Variants in HDAC4 observed in about 807,000 individuals in gnomAD.
HDAC4 encodes histone deacetylase 4, also known as histone deacetylase A.
HDAC4 carries 16 observed loss-of-function variants against 135.1 expected under a neutral mutation model. The observed-to-expected ratio is 0.12, with a 90% confidence interval of 0.08 to 0.18. HDAC4 has a LOEUF of 0.18. Among genes scored for constraint, HDAC4 ranks in the 10% least tolerant of loss-of-function variants. HDAC4 has a pLI of 1.00. For missense variants in HDAC4, 1,143 were observed against 1,511.8 expected, an observed-to-expected ratio of 0.76 and a Z score of 4.05; for synonymous variants, 685 against 653.4, an observed-to-expected ratio of 1.05 and a Z score of -0.74.
chr2:239,350,398 G>A (rs1341682293), intron 2 of HDAC4, among the ~76,000 whole-genome samples: 1 of 151,896 alleles, frequency 6.6e-6, no homozygotes, highest in East Asian at 1.9e-4. Flanking sequence ...AAAAAAATAA[G>A]TAAAGCTATA....
chr2:239,215,338 C>T (rs2046573947), intron 3 of HDAC4, among the ~76,000 whole-genome samples: 2 of 152,196 alleles, frequency 1.3e-5, no homozygotes, highest in African/African-American at 2.4e-5. Context: ...GGCATGGAAG[C>T]TGGCAACAGG....
intron 4 of HDAC4, among the ~76,000 whole-genome samples, chr2:239,183,115 C>T (rs1466695034): frequency 6.6e-6 from 1 of 152,180 alleles, no homozygotes; most frequent in Non-Finnish European, 1.5e-5. Context: ...ATGACTACGA[C>T]CTCATTCTTC....
chr2:239,381,737 G>A (rs1695431740), intron 1 of HDAC4, among the ~76,000 whole-genome samples: 1 of 152,222 alleles, frequency 6.6e-6, no homozygotes, highest in Non-Finnish European at 1.5e-5. Context: ...ATGTGCTGTA[G>A]AATGTTCAGT....
At chr2:239,123,093 G>C (rs1487535941) in intron 12 of HDAC4, among the ~76,000 whole-genome samples, 1 of 152,254 alleles carries the variant, frequency 6.6e-6, no homozygotes, top group Non-Finnish European at 1.5e-5. Context: ...ACTCCAGTGA[G>C]AGTACCCGGT....
intron 24 of HDAC4, among the ~76,000 whole-genome samples, chr2:239,063,648 C>T (rs1426802784): frequency 1.3e-5 from 2 of 152,214 alleles, no homozygotes; most frequent in Non-Finnish European, 2.9e-5. Context: ...TCTCCCCTTT[C>T]CCCTTCTGCC....
chr2:239,321,541 C>T (rs1575691350), intron 2 of HDAC4, among the ~76,000 whole-genome samples: 5 of 146,324 alleles, frequency 3.4e-5, no homozygotes, highest in Middle Eastern at 4.0e-3. Context: ...ATAAGGTGAA[C>T]GTGTGTAAAT....
chr2:239,336,026 C>A (rs375295929), intron 2 of HDAC4, among the ~76,000 whole-genome samples: 99 of 152,292 alleles, frequency 6.5e-4, no homozygotes, highest in African/African-American at 2.3e-3. Flanking sequence ...TATGTTCATA[C>A]AATGAAATAT....
chr2:239,358,551 C>T (rs1425145115), intron 1 of HDAC4, among the ~76,000 whole-genome samples: 2 of 152,216 alleles, frequency 1.3e-5, no homozygotes, highest in Admixed American at 1.3e-4. Flanking sequence ...GGTGTGCTAA[C>T]TGCTGCTGGG....
intron 20 of HDAC4, 42 bp from the exon 21 acceptor site, chr2:239,082,263 T>C (rs2035412533): frequency 1.2e-6 from 2 of 1,614,000 alleles, no homozygotes; most frequent in Non-Finnish European, 8.5e-7. Flanking sequence ...GAGGCAGGTA[T>C]TGGAGGGTGG....
At chr2:239,216,863 G>A (rs915414405) in intron 3 of HDAC4, among the ~76,000 whole-genome samples, 7 of 152,220 alleles carry the variant, frequency 4.6e-5, no homozygotes, top group African/African-American at 1.7e-4. Flanking sequence ...AAGTCAGAAT[G>A]TGCACAGGAA....
intron 16 of HDAC4, among the ~76,000 whole-genome samples, chr2:239,101,873 C>T (rs967425282): frequency 6.6e-6 from 1 of 151,352 alleles, no homozygotes; most frequent in East Asian, 2.0e-4. Context: ...CCTGGACACC[C>T]CCGGCCCCGG....
chr2:239,137,694 G>A (rs1157843096), intron 9 of HDAC4, among the ~76,000 whole-genome samples: 2 of 152,132 alleles, frequency 1.3e-5, no homozygotes, highest in Admixed American at 1.3e-4. Context: ...TCTGCACCAC[G>A]TGAGAACGGA....
chr2:239,221,336 A>G (rs2046942898), intron 3 of HDAC4, among the ~76,000 whole-genome samples: 1 of 152,148 alleles, frequency 6.6e-6, no homozygotes, highest in Non-Finnish European at 1.5e-5. Flanking sequence ...AGATGGGAGC[A>G]TTCTGGGAAA....
chr2:239,223,264 A>G (rs1315610489), intron 3 of HDAC4, among the ~76,000 whole-genome samples: 1 of 152,198 alleles, frequency 6.6e-6, no homozygotes, highest in Non-Finnish European at 1.5e-5. Flanking sequence ...AATAGAAACC[A>G]TTGGAGAAGA....
rs1260251372 is a variant in HDAC4, at chr2:239,278,179, GA to G, written c.23-41516del. 6.8e-3 allele frequency among the ~76,000 whole-genome samples: 693 copies of G among 101,474 alleles called. 6 individuals carry two copies. Among genetic ancestry groups the G allele is most frequent in the African/African-American group, 0.028 (661 of 23,288 alleles). 66.6% of individuals were successfully genotyped at this position (101,474 alleles called of 152,430 possible). ...GTTTTCAAATTATCCCACCATTAGA[GA>G]AAAAAAGAAAAAAAAAAAAACAGAC... On this transcript the variant is annotated intron_variant, in intron 2 of 26. Coordinates refer to ENST00000543185, the MANE Select transcript of HDAC4 (RefSeq NM_001378414.1).
At chr2:239,102,706 T>C in intron 16 of HDAC4, 70 bp downstream of exon 16, 37 of 1,583,774 alleles carry the variant, frequency 2.3e-5, no homozygotes, top group Non-Finnish European at 3.0e-5. Flanking sequence ...ACACAAGGGG[T>C]TGAGAGCTGG....
At chr2:239,070,697 C>T (rs1314966746) in intron 22 of HDAC4, among the ~76,000 whole-genome samples, 2 of 152,222 alleles carry the variant, frequency 1.3e-5, no homozygotes, top group Non-Finnish European at 2.9e-5. Flanking sequence ...AATGACGGCC[C>T]AGGTGCAAGG....
At chr2:239,142,139 C>T (rs139719254) in intron 8 of HDAC4, among the ~76,000 whole-genome samples, 2 of 152,276 alleles carry the variant, frequency 1.3e-5, no homozygotes, top group East Asian at 1.9e-4. Flanking sequence ...GCAGGATTCA[C>T]TCTGGACAGA....
chr2:239,260,887 G>A (rs541059238), intron 2 of HDAC4, among the ~76,000 whole-genome samples: 2 of 152,258 alleles, frequency 1.3e-5, no homozygotes, highest in East Asian at 1.9e-4. Flanking sequence ...AAGGAGGCAC[G>A]GAAGCCTATC....
Sources: gnomAD v4.1 joint callset for allele counts (sites outside exome capture counted in the v4.1 genomes callset) on GRCh38, gnomAD v4.1.1 for gene constraint, MANE v1.5 for transcripts, NCBI Gene and HGNC (gene_info 2026-07-23, HGNC 2026-07-21) for gene names.